BLVRB: variants seen among roughly 807,000 people sequenced by gnomAD.
BLVRB encodes flavin reductase (NADPH).
In BLVRB, 25 loss-of-function variants were observed where a neutral mutation model predicts 21.1. The ratio of observed to expected loss-of-function variants is 1.19; its 90% CI spans 0.86 to 1.66. BLVRB has a LOEUF of 1.66. Among genes scored for constraint, BLVRB ranks in the 40% most tolerant of loss-of-function variants. The probability of loss-of-function intolerance (pLI) is 0.00; values close to 1 mark genes in which losing one functional copy is unlikely to be tolerated. For synonymous variants in BLVRB, 128 were observed against 122.2 expected (o/e 1.05, Z -0.31); for missense variants, 274 against 282.7 (o/e 0.97, Z 0.22).
At chr19:40,458,566 A>G in intron 1 of BLVRB, 21 bp from the exon 2 acceptor site, 1 of 1,577,210 alleles carries the variant, frequency 6.3e-7, no homozygotes, top group Non-Finnish European at 8.6e-7. Flanking sequence ...AGAGGAGCAG[A>G]GAGCCTGGTC....
chr19:40,463,607 TCTTC>T (rs1330356236), intron 1 of BLVRB, among the ~76,000 whole-genome samples: 2 of 142,082 alleles, frequency 1.4e-5, no homozygotes, highest in Admixed American at 7.0e-5. Flanking sequence ...TCCCTCCTTT[TCTTC>T]CTTCCTTCTT....
intron 1 of BLVRB, among the ~76,000 whole-genome samples, chr19:40,462,187 G>A (rs1231802185): frequency 1.3e-5 from 2 of 152,058 alleles, no homozygotes; most frequent in African/African-American, 2.4e-5. Context: ...CCCGTGCTAT[G>A]TGACCACCTT....
chr19:40,456,797 G>C (rs1449144949), intron 3 of BLVRB, among the ~76,000 whole-genome samples: 2 of 152,090 alleles, frequency 1.3e-5, no homozygotes, highest in East Asian at 2.0e-4. Flanking sequence ...TGGGGCAGGA[G>C]AATCACTGTG....
intron 3 of BLVRB, among the ~76,000 whole-genome samples, chr19:40,455,883 T>C (rs780388070): frequency 6.6e-6 from 1 of 151,992 alleles, no homozygotes; most frequent in Non-Finnish European, 1.5e-5. Context: ...AGGCTGAGGC[T>C]GGTGGATCGC....
intron 3 of BLVRB, among the ~76,000 whole-genome samples, chr19:40,457,334 T>C (rs1454969175): frequency 6.6e-6 from 1 of 152,168 alleles, no homozygotes; most frequent in African/African-American, 2.4e-5. Context: ...TGGAGTGTAA[T>C]TACAATCATC....
At chr19:40,465,584 C>T (rs371160792) in intron 1 of BLVRB, 26 bp downstream of exon 1, 2 of 1,600,370 alleles carry the variant, frequency 1.2e-6, no homozygotes, top group African/African-American at 2.7e-5. Context: ...TGTCCCGTGA[C>T]ATGCCCCGCC....
chr19:40,458,055 C>T (rs1308891822), intron 3 of BLVRB, 100 bp downstream of exon 3: 2 of 1,168,168 alleles, frequency 1.7e-6, no homozygotes, highest in East Asian at 2.5e-5. Context: ...AGTAAATGCA[C>T]AGTAACATGG....
intron 3 of BLVRB, among the ~76,000 whole-genome samples, chr19:40,455,350 GGAAGA>G (rs1475492591): frequency 6.6e-6 from 1 of 152,222 alleles, no homozygotes; most frequent in African/African-American, 2.4e-5. Context: ...CTGTGGTGCT[GGAAGA>G]GAAAAGTCCT....
At chr19:40,448,177 G>T (rs1238850935) in intron 4 of BLVRB, 131 bp from the exon 5 acceptor site, 1 of 903,414 alleles carries the variant, frequency 1.1e-6, no homozygotes, top group South Asian at 1.7e-5. Context: ...GCCAAGAATG[G>T]ACTTTCCATA....
At chr19:40,455,924 C>A (rs2079760421) in intron 3 of BLVRB, among the ~76,000 whole-genome samples, 1 of 151,900 alleles carries the variant, frequency 6.6e-6, no homozygotes, top group African/African-American at 2.4e-5. Flanking sequence ...CCAGCCTGGG[C>A]AACATGGCGA....
Position 40,458,151 on chromosome 19 carries a change from C to T in BLVRB, c.334+4G>A. On this transcript the variant is annotated splice_donor_region_variant and intron_variant, in intron 3 of 4. Coordinates refer to ENST00000263368, the MANE Select transcript of BLVRB (RefSeq NM_000713.3). ...AGCCCCACCTCCATGATCCCACCAC[C>T]CACCCGAGGTGCAGGCCACGACCTT... The T allele has an allele frequency of 6.2e-7, 1 of 1,613,608 alleles. No individual in the cohort carries two copies. Among genetic ancestry groups the T allele is most frequent in the Non-Finnish European group, 8.5e-7 (1 of 1,179,656 alleles).
intron 3 of BLVRB, among the ~76,000 whole-genome samples, chr19:40,457,209 C>T (rs2145780292): frequency 6.6e-6 from 1 of 150,996 alleles, no homozygotes; most frequent in South Asian, 2.1e-4. Flanking sequence ...CGCAAGTTTA[C>T]TCGTGTATTA....
At position 40,465,732 on chromosome 19, in the gene BLVRB, C is replaced by A; in HGVS notation, c.-44G>T. ...TGCAAGGCCTCAGAGTCTCGGCACG[C>A]GCGGGAACCCACTGGCTGCTGGGCG... On this transcript the variant is annotated 5_prime_UTR_variant, in exon 1 of 5. Transcript: ENST00000263368. 1 of 1,596,172 alleles carries A rather than the reference C, an allele frequency of 6.3e-7. No homozygotes were observed.
chr19:40,462,132 C>A (rs909032423), intron 1 of BLVRB, among the ~76,000 whole-genome samples: 4 of 152,192 alleles, frequency 2.6e-5, no homozygotes, highest in Admixed American at 6.5e-5. Context: ...CGTGATTGGA[C>A]CTCAGCTTCC....
rs945697656 is a variant in BLVRB at position 40,458,480 on chromosome 19, G to C, written c.145C>G (p.His49Asp). 3.7e-6 allele frequency: 6 copies of C among 1,609,212 alleles called. No individual in the cohort carries two copies. The highest frequency in any genetic ancestry group is 5.1e-6 in the Non-Finnish European group (6 of 1,178,370). ...TGCAGAACATCTCCCACTACCACGT[G>C]GGCCGGCCGGGGCCCCTCTGATGGC... Reference protein sequence around the residue: ...RLPSEGPRPAHVVVGDVLQAA... With the variant: ...RLPSEGPRPADVVVGDVLQAA... The change falls in exon 2 of 5, where the codon CAC becomes GAC. Residue 49 changes from histidine (H) to aspartate (D), a missense_variant. Physicochemically the swap from His to Asp is moderately conservative, Grantham distance 81. Coordinates refer to ENST00000263368, the MANE Select transcript of BLVRB (RefSeq NM_000713.3).
intron 1 of BLVRB, among the ~76,000 whole-genome samples, chr19:40,460,429 A>G (rs2079782159): frequency 6.7e-6 from 1 of 150,174 alleles, no homozygotes; most frequent in Non-Finnish European, 1.5e-5. Flanking sequence ...GGAGTTTGAG[A>G]CCAGACTGGG....
At chr19:40,448,608 AATATATATATATAT>A (rs55783717) in intron 4 of BLVRB, among the ~76,000 whole-genome samples, 42,068 of 126,320 alleles carry the variant, frequency 0.33, 6,806 homozygotes, top group African/African-American at 0.35. Context: ...AACAACAACA[AATATATATATATAT>A]ATATATATAT....
chr19:40,465,636 G>C lies in BLVRB; in HGVS notation c.53C>G (p.Thr18Ser), dbSNP rs1474387007. The C allele has an allele frequency of 3.7e-6, 6 of 1,612,640 alleles. No individual in the cohort carries two copies. Among genetic ancestry groups the C allele is most frequent in the Non-Finnish European group, 5.1e-6 (6 of 1,179,832 alleles). ...IFGATGQTGL[T>S]TLAQAVQAGY... is the part of the protein sequence containing the mutation. ...TGCTTGCACCGCCTGCGCCAGGGTG[G>C]TGAGCCCGGTCTGGCCAGTGGCGCC... The change falls in exon 1 of 5, where the codon ACC becomes AGC. Residue 18 changes from threonine (T) to serine (S), a missense_variant. Physicochemically the swap from Thr to Ser is moderately conservative, Grantham distance 58 (BLOSUM62 1). Transcript: ENST00000263368.
At chr19:40,465,142 C>T (rs1248354394) in intron 1 of BLVRB, among the ~76,000 whole-genome samples, 1 of 152,190 alleles carries the variant, frequency 6.6e-6, no homozygotes, top group Non-Finnish European at 1.5e-5. Context: ...CCAGTCCTGT[C>T]AGTTAACAGC....
Sources: gnomAD v4.1 joint callset for allele counts (sites outside exome capture counted in the v4.1 genomes callset) on GRCh38, gnomAD v4.1.1 for gene constraint, MANE v1.5 for transcripts, NCBI Gene and HGNC (gene_info 2026-07-23, HGNC 2026-07-21) for gene names.